LGI3: variants seen among roughly 807,000 people sequenced by gnomAD.
LGI3 encodes leucine rich repeat LGI family member 3, also known as leucine-rich repeat LGI family member 3.
A neutral mutation model predicts 55.4 loss-of-function variants in LGI3; 47 were observed. The ratio of observed to expected loss-of-function variants is 0.85; its 90% confidence interval spans 0.67 to 1.08. The LOEUF (loss-of-function observed/expected upper bound fraction) is 1.08. Ranked by LOEUF, LGI3 falls within the 50% of genes least tolerant of loss-of-function variation. The pLI, the probability that LGI3 is intolerant of heterozygous loss-of-function variation, is 0.00. For missense variants in LGI3, 664 were observed against 726.3 expected, an observed-to-expected ratio of 0.91 and a Z score of 0.99; for synonymous variants, 326 against 315.0, an observed-to-expected ratio of 1.04 and a Z score of -0.37.
At chr8:22,152,099 A>G in intron 5 of LGI3, 99 bp from the exon 6 acceptor site, 1 of 974,908 alleles carries the variant, frequency 1.0e-6, no homozygotes. Context: ...GAGCTGGTCA[A>G]GGCTGCTGCA....
intron 7 of LGI3, among the ~76,000 whole-genome samples, chr8:22,149,986 C>G (rs894172852): frequency 6.6e-6 from 1 of 152,184 alleles, no homozygotes; most frequent in Non-Finnish European, 1.5e-5. Context: ...CCATACCCAT[C>G]GCTGAGCCTG....
chr8:22,156,507 C>A lies in LGI3; in HGVS notation c.36G>T (p.Pro12=). The change falls in exon 1 of 8, where the codon CCG becomes CCT. Residue 12 remains proline (P), a synonymous_variant. Coordinates refer to ENST00000306317, the MANE Select transcript of LGI3 (RefSeq NM_139278.4). ...CGAGCGCGGAGAGCGCCAGCAGCCC[C>A]GGCCCCGGGCCCCCCCTGGCCCGCA... ...AGLRARGGPG[P]GLLALSALGF... The A allele has an allele frequency of 7.1e-7, 1 of 1,399,432 alleles. No individual in the cohort carries two copies. Among genetic ancestry groups the A allele is most frequent in the Non-Finnish European group, 9.3e-7 (1 of 1,077,506 alleles). 86.7% of individuals were successfully genotyped at this position (1,399,432 alleles called of 1,614,324 possible).
intron 7 of LGI3, among the ~76,000 whole-genome samples, chr8:22,150,638 G>A (rs529036369): frequency 4.0e-4 from 61 of 152,146 alleles, no homozygotes; most frequent in African/African-American, 1.3e-3. Flanking sequence ...GATTACAGGC[G>A]TGAGCCACCG....
Position 22,151,948 on chromosome 8 carries a change from C to G in LGI3, c.547G>C (p.Glu183Gln), listed in dbSNP as rs772786639. The G allele has an allele frequency of 6.2e-7, 1 of 1,612,978 alleles. No individual in the cohort carries two copies. ...NCDCKVKWLVEWLAHTNTTVA... is the reference protein window; with the variant it reads ...NCDCKVKWLVQWLAHTNTTVA... ...GTGGTGTTGGTGTGTGCCAGCCACT[C>G]CACCAACCACTTCACCTTGCAGTCA... Residue 183 changes from glutamate (E) to glutamine (Q), a missense_variant, in exon 6 of 8, where the codon GAG becomes CAG. Glu to Gln is a conservative substitution (Grantham distance 29, BLOSUM62 2). Coordinates refer to ENST00000306317, the MANE Select transcript of LGI3 (RefSeq NM_139278.4).
chr8:22,154,659 T>C, intron 2 of LGI3, 28 bp from the exon 3 acceptor site: 2 of 1,570,866 alleles, frequency 1.3e-6, no homozygotes, highest in Middle Eastern at 1.7e-4. Context: ...GAATTAGAGC[T>C]TCCAAGGGTG....
intron 5 of LGI3, 49 bp from the exon 6 acceptor site, chr8:22,152,049 A>C: frequency 2.7e-6 from 4 of 1,486,108 alleles, no homozygotes; most frequent in Non-Finnish European, 3.7e-6. Flanking sequence ...ACATGCTCTC[A>C]GGGCTCTGCC....
Position 22,151,843 on chromosome 8 carries a change from A to C in LGI3, c.652T>G (p.Cys218Gly). 1 of 1,609,184 alleles carries C rather than the reference A, an allele frequency of 6.2e-7. No individual in the cohort carries two copies. The highest frequency in any genetic ancestry group is 8.5e-7 in the Non-Finnish European group (1 of 1,177,166). Residue 218 changes from cysteine to glycine, a missense_variant, in exon 6 of 8, where the codon TGC becomes GGC. Physicochemically the swap from Cys to Gly is radical, Grantham distance 159 (BLOSUM62 -3). Transcript: ENST00000306317. ...VQDLPLREFD[C>G]ITTDFVLYQT... ...GGGCACCTCCTACCTGTGGTGATGCAATCGAACTCCCGCAGCGGCAGGTCC... is the reference window on the plus strand; with the variant it reads ...GGGCACCTCCTACCTGTGGTGATGCCATCGAACTCCCGCAGCGGCAGGTCC...
rs770502058 is a variant in LGI3 at position 22,148,292 on chromosome 8, G to T, written c.1515C>A (p.Phe505Leu). The T allele has an allele frequency of 6.2e-7, 1 of 1,614,166 alleles. No homozygotes were observed. The highest frequency in any genetic ancestry group is 8.5e-7 in the Non-Finnish European group (1 of 1,180,016). Residue 505 changes from phenylalanine (F) to leucine (L), a missense_variant, in exon 8 of 8, where the codon TTC becomes TTA. Coordinates refer to ENST00000306317, the MANE Select transcript of LGI3 (RefSeq NM_139278.4). The surrounding 1 kb of genome is among the most constrained non-coding windows in gnomAD (Gnocchi z 7.0). ...WDEGRQKFVR[F>L]QELAVQAPRA... is the part of the protein sequence containing the mutation. ...GAGGAGCCTGCACAGCCAGCTCCTG[G>T]AACCGTACAAACTTCTGTCGTCCCT...
intron 7 of LGI3, among the ~76,000 whole-genome samples, chr8:22,151,258 T>C (rs559492001): frequency 6.6e-6 from 1 of 152,278 alleles, no homozygotes; most frequent in African/African-American, 2.4e-5. Context: ...GGTAGGCTTG[T>C]CCTTTGTGCT....
intron 3 of LGI3, 91 bp from the exon 4 acceptor site, chr8:22,154,304 G>A (rs1211949939): frequency 2.0e-5 from 22 of 1,093,926 alleles, no homozygotes; most frequent in Admixed American, 8.8e-5. Flanking sequence ...ATTTCAGCCC[G>A]TGTCCCCGAG....
chr8:22,150,277 C>T (rs1245669374), intron 7 of LGI3, among the ~76,000 whole-genome samples: 1 of 150,906 alleles, frequency 6.6e-6, no homozygotes, highest in Admixed American at 6.6e-5. Flanking sequence ...TTCTTTAATA[C>T]TGACTTCAAG....
intron 7 of LGI3, among the ~76,000 whole-genome samples, chr8:22,149,412 C>A (rs1827349674): frequency 6.6e-6 from 1 of 151,968 alleles, no homozygotes. Context: ...TCAGAGAGAG[C>A]AAGTGACTTG....
rs1376579167 is a variant in LGI3, at chr8:22,146,845, T to A, written c.*1315A>T. On this transcript the variant is annotated 3_prime_UTR_variant, in exon 8 of 8. Coordinates refer to ENST00000306317, the MANE Select transcript of LGI3 (RefSeq NM_139278.4). ...TGAGAGCCGGTTATGGGGCGGGAACTTTTTATTTGAAGCAAGTTAATCATA... is the reference window on the plus strand; with the variant it reads ...TGAGAGCCGGTTATGGGGCGGGAACATTTTATTTGAAGCAAGTTAATCATA... 1.3e-5 allele frequency: 2 copies of A among 152,066 alleles called. No individual in the cohort carries two copies. The highest frequency in any genetic ancestry group is 2.9e-5 in the Non-Finnish European group (2 of 68,068). 9.4% of individuals were successfully genotyped at this position (152,066 alleles called of 1,614,324 possible). A position where few individuals can be genotyped will look rare whatever the true frequency, so the allele number is the denominator to read the frequency against.
At chr8:22,154,350 A>C (rs1035815141) in intron 3 of LGI3, 137 bp from the exon 4 acceptor site, 4 of 815,712 alleles carry the variant, frequency 4.9e-6, no homozygotes, top group Non-Finnish European at 8.3e-6. Context: ...TCACCAAGCC[A>C]TAGAGATAGA....
chr8:22,155,656 C>A (rs978503773), intron 1 of LGI3, 193 bp from the exon 2 acceptor site: 2 of 606,810 alleles, frequency 3.3e-6, no homozygotes, highest in Admixed American at 2.7e-5. Context: ...AGGGTCCTCC[C>A]CTATTGCCTC....
Position 22,147,914 on chromosome 8 carries a change from G to A in LGI3, c.*246C>T, listed in dbSNP as rs1207859339. On this transcript the variant is annotated 3_prime_UTR_variant, in exon 8 of 8. Transcript: ENST00000306317. ...GGCTGCAGAGTAGGGGGGGCCTGCAGTTGGGGTCACGGGAACTGGGCGTTA... is the reference window on the plus strand; with the variant it reads ...GGCTGCAGAGTAGGGGGGGCCTGCAATTGGGGTCACGGGAACTGGGCGTTA... The A allele has an allele frequency of 4.0e-6, 2 of 498,998 alleles. No individual in the cohort carries two copies. Among genetic ancestry groups the A allele is most frequent in the Non-Finnish European group, 7.1e-6 (2 of 281,458 alleles). 30.9% of individuals were successfully genotyped at this position (498,998 alleles called of 1,614,324 possible).
rs1827326883 is a variant in LGI3 at position 22,147,981 on chromosome 8, T to A, written c.*179A>T. On this transcript the variant is annotated 3_prime_UTR_variant, in exon 8 of 8. Coordinates refer to ENST00000306317, the MANE Select transcript of LGI3 (RefSeq NM_139278.4). The stretch of plus-strand genomic sequence containing the variant: ...CTGGTGTTCATGCTGATTGCAGTGA[T>A]GATGCACGTCCTCCTGGGCCAGTCC... 1.7e-6 allele frequency: 1 copy of A among 592,490 alleles called. No homozygotes were observed. Among genetic ancestry groups the A allele is most frequent in the Middle Eastern group, 4.5e-4 (1 of 2,212 alleles). 36.7% of individuals were successfully genotyped at this position (592,490 alleles called of 1,614,324 possible). A position where few individuals can be genotyped will look rare whatever the true frequency, so the allele number is the denominator to read the frequency against.
Position 22,154,552 on chromosome 8 carries a change from CCA to C in LGI3, c.350+6_350+7del. The C allele has an allele frequency of 1.9e-6, 3 of 1,613,454 alleles. No homozygotes were observed. Among genetic ancestry groups the C allele is most frequent in the Non-Finnish European group, 2.5e-6 (3 of 1,179,516 alleles). On this transcript the variant is annotated splice_donor_region_variant and intron_variant, in intron 3 of 7. Transcript: ENST00000306317. The stretch of plus-strand genomic sequence containing the variant: ...TGCTTTCCCATTGCCCCTTTCCCTC[CCA>C]CACACAGATACTGCAGGTGCGACAG...
intron 1 of LGI3, 70 bp downstream of exon 1, chr8:22,156,267 T>A: frequency 6.6e-7 from 1 of 1,526,638 alleles, no homozygotes; most frequent in Non-Finnish European, 8.9e-7. Flanking sequence ...GGGGTTCTCC[T>A]GTCCTCTCCC....
Sources: gnomAD v4.1 joint callset for allele counts (sites outside exome capture counted in the v4.1 genomes callset) on GRCh38, gnomAD v4.1.1 for gene constraint, Gnocchi (gnomAD v3.1) non-coding constraint, MANE v1.5 for transcripts, NCBI Gene and HGNC (gene_info 2026-07-23, HGNC 2026-07-21) for gene names.